GPC4: variants seen among roughly 807,000 people sequenced by gnomAD.
The protein encoded by GPC4 is glypican 4.
GPC4 carries 10 observed loss-of-function variants against 35.0 expected under a neutral mutation model. That is an observed-to-expected ratio of 0.29 (90% CI 0.18 to 0.48). The LOEUF (loss-of-function observed/expected upper bound fraction) is 0.48. GPC4 is among the 20% of genes least tolerant of loss of function. The pLI is 0.99. For synonymous variants in GPC4, 167 were observed against 170.2 expected (o/e 0.98, Z 0.15); for missense variants, 322 against 451.3 (o/e 0.71, Z 2.60).
intron 1 of GPC4, among the ~76,000 whole-genome samples, chrX:133,395,658 G>A (rs73239386): frequency 6.5e-3 from 722 of 111,302 alleles, no homozygotes; most frequent in Non-Finnish European, 0.01. Context: ...TTAAACCTTG[G>A]AAGAGAATGG....
intron 1 of GPC4, among the ~76,000 whole-genome samples, chrX:133,364,738 T>C (rs1187112334): frequency 8.9e-6 from 1 of 112,179 alleles, no homozygotes; most frequent in East Asian, 2.8e-4. Flanking sequence ...AGAGAACACA[T>C]AATCAACTCT....
chrX:133,399,784 T>G lies in GPC4; in HGVS notation c.160+15022A>C, dbSNP rs772373520. Among the ~76,000 whole-genome samples the G allele has an allele frequency of 2.7e-5, 3 of 112,379 alleles. No individual in the cohort carries two copies. The East Asian group carries it at 8.5e-4, about 32-fold the overall frequency. On this transcript the variant is annotated intron_variant, in intron 1 of 8. Transcript: ENST00000370828. ...GGGAGCCCAAGGTGGGCAGATCACT[T>G]GGGGCCAGGAGTCTGAGCCCAGCCT...
intron 1 of GPC4, among the ~76,000 whole-genome samples, chrX:133,394,219 G>A (rs924258128): frequency 2.7e-5 from 3 of 109,679 alleles, no homozygotes; most frequent in African/African-American, 6.7e-5. Flanking sequence ...GCAGTGAGCC[G>A]AGACTGCGCC....
chrX:133,327,318 C>T (rs1473674085), intron 2 of GPC4, among the ~76,000 whole-genome samples: 6 of 111,258 alleles, frequency 5.4e-5, no homozygotes, highest in African/African-American at 2.0e-4. Flanking sequence ...GGGCGAGGTG[C>T]GGTGTGACAT....
intron 1 of GPC4, among the ~76,000 whole-genome samples, chrX:133,408,703 GC>G (rs904477205): frequency 1.8e-4 from 20 of 111,445 alleles, no homozygotes; most frequent in African/African-American, 5.2e-4. Context: ...TTGCACTCCA[GC>G]CTGGGCAACA....
chrX:133,309,932 C>T (rs1302922553), intron 4 of GPC4, among the ~76,000 whole-genome samples: 1 of 111,959 alleles, frequency 8.9e-6, no homozygotes, highest in Non-Finnish European at 1.9e-5. Context: ...GGTCTTATGC[C>T]TTCCCTTTCA....
intron 1 of GPC4, among the ~76,000 whole-genome samples, chrX:133,403,936 A>C (rs2068776169): frequency 9.0e-6 from 1 of 110,549 alleles, no homozygotes; most frequent in African/African-American, 3.3e-5. Flanking sequence ...GCCTCAAGTG[A>C]TCTGCCTGCC....
intron 3 of GPC4, among the ~76,000 whole-genome samples, chrX:133,322,669 G>A (rs1018706576): frequency 8.9e-6 from 1 of 111,781 alleles, no homozygotes; most frequent in African/African-American, 3.3e-5. Flanking sequence ...CACCCTAACT[G>A]TAGATAAACT....
intron 1 of GPC4, among the ~76,000 whole-genome samples, chrX:133,354,568 A>ATTTATTTATTT (rs781240039): frequency 2.2e-4 from 21 of 95,200 alleles, no homozygotes; most frequent in African/African-American, 8.4e-4. Flanking sequence ...TTATTTATTT[A>ATTTATTTATTT]TTTTTTTTTT....
chrX:133,325,955 AG>A (rs2068390960), intron 2 of GPC4, among the ~76,000 whole-genome samples: 1 of 110,719 alleles, frequency 9.0e-6, no homozygotes, highest in African/African-American at 3.3e-5. Context: ...TTATTCCTTG[AG>A]GCCTGAGGAT....
At chrX:133,376,018 G>C (rs1450387151) in intron 1 of GPC4, among the ~76,000 whole-genome samples, 1 of 112,143 alleles carries the variant, frequency 8.9e-6, no homozygotes. Flanking sequence ...TCCCAGCACA[G>C]CTTTGAGAGC....
intron 1 of GPC4, among the ~76,000 whole-genome samples, chrX:133,364,959 A>T (rs1242460506): frequency 8.9e-6 from 1 of 111,951 alleles, no homozygotes; most frequent in Admixed American, 9.5e-5. Context: ...ATGGGTGGGT[A>T]AAATGTCATT....
chrX:133,397,289 G>T (rs2068747617), intron 1 of GPC4, among the ~76,000 whole-genome samples: 1 of 112,021 alleles, frequency 8.9e-6, no homozygotes, highest in Non-Finnish European at 1.9e-5. Context: ...GCCAGGTGTG[G>T]TGGCACACGC....
intron 1 of GPC4, among the ~76,000 whole-genome samples, chrX:133,359,764 G>C (rs1480806745): frequency 5.4e-5 from 6 of 111,321 alleles, no homozygotes; most frequent in African/African-American, 1.6e-4. Flanking sequence ...ACCAGGAGTA[G>C]ATAAATCACT....
At chrX:133,389,298 G>A (rs2068708347) in intron 1 of GPC4, among the ~76,000 whole-genome samples, 1 of 111,385 alleles carries the variant, frequency 9.0e-6, no homozygotes, top group South Asian at 3.8e-4. Context: ...CTTGAAGACT[G>A]GAACTGCGTC....
intron 1 of GPC4, among the ~76,000 whole-genome samples, chrX:133,390,382 A>G (rs1337934048): frequency 8.9e-6 from 1 of 111,768 alleles, no homozygotes; most frequent in African/African-American, 3.3e-5. Context: ...ATAAGCCCCC[A>G]AAGGGTTTCA....
At chrX:133,401,071 C>A (rs758786695) in intron 1 of GPC4, among the ~76,000 whole-genome samples, 2 of 111,001 alleles carry the variant, frequency 1.8e-5, no homozygotes, top group East Asian at 5.7e-4. Context: ...GTGCAAAGGC[C>A]CCTGAACGTG....
intron 1 of GPC4, among the ~76,000 whole-genome samples, chrX:133,365,802 G>C (rs1385963503): frequency 8.9e-6 from 1 of 112,396 alleles, no homozygotes; most frequent in East Asian, 2.8e-4. Context: ...AAATAAGCCT[G>C]TTAAAACCTA....
chrX:133,407,287 A>G (rs1411973777), intron 1 of GPC4, among the ~76,000 whole-genome samples: 3 of 110,966 alleles, frequency 2.7e-5, no homozygotes, highest in Non-Finnish European at 5.7e-5. Flanking sequence ...ATTTGACAAC[A>G]AATTTGCCAG....
Sources: gnomAD v4.1 joint callset for allele counts (sites outside exome capture counted in the v4.1 genomes callset) on GRCh38, gnomAD v4.1.1 for gene constraint, MANE v1.5 for transcripts, NCBI Gene and HGNC (gene_info 2026-07-23, HGNC 2026-07-21) for gene names.